RBMS1: variants seen among roughly 807,000 people sequenced by gnomAD.
RBMS1 encodes RNA-binding motif, single-stranded-interacting protein 1.
A neutral mutation model predicts 62.3 loss-of-function variants in RBMS1; 17 were observed. The observed-to-expected ratio is 0.27, with a 90% CI of 0.19 to 0.41. RBMS1 has a LOEUF of 0.41. Among genes scored for constraint, RBMS1 ranks in the 10% least tolerant of loss-of-function variants. The pLI is 1.00. For synonymous variants in RBMS1, 172 were observed against 170.0 expected (o/e 1.01, Z -0.09); for missense variants, 334 against 504.5 (o/e 0.66, Z 3.24).
chr2:160,309,303 G>T (rs1574255998), intron 4 of RBMS1, among the ~76,000 whole-genome samples: 1 of 152,178 alleles, frequency 6.6e-6, no homozygotes, highest in African/African-American at 2.4e-5. Flanking sequence ...CAGGGAGCTC[G>T]ATCTGTGTCT....
At chr2:160,407,983 C>CA in intron 1 of RBMS1, 1 of 929,918 alleles carries the variant, frequency 1.1e-6, no homozygotes, top group Non-Finnish European at 1.3e-6. Flanking sequence ...CCTCCCCGCC[C>CA]GCCCGCTGGG....
intron 1 of RBMS1, among the ~76,000 whole-genome samples, chr2:160,451,184 CTA>C (rs1344700494): frequency 2.8e-5 from 4 of 140,884 alleles, no homozygotes; most frequent in African/African-American, 1.0e-4. Context: ...TAAATAAAAA[CTA>C]GAGAAAATAT....
At chr2:160,302,528 T>A (rs979088103) in intron 5 of RBMS1, 1 of 152,058 alleles carries the variant, frequency 6.6e-6, no homozygotes, top group Non-Finnish European at 1.5e-5. Context: ...TTATTTATTT[T>A]AAGACAGTCT....
At chr2:160,474,579 C>T (rs1296793608) in intron 1 of RBMS1, among the ~76,000 whole-genome samples, 5 of 152,146 alleles carry the variant, frequency 3.3e-5, no homozygotes, top group Admixed American at 6.5e-5. Context: ...ACGTATTCAA[C>T]GCCACTGAAT....
chr2:160,465,888 A>ACACACT (rs569580064), intron 1 of RBMS1, among the ~76,000 whole-genome samples: 37,859 of 144,934 alleles, frequency 0.26, 5,461 homozygotes, highest in East Asian at 0.55. Flanking sequence ...ACACACACAC[A>ACACACT]CTCTCACATT....
intron 1 of RBMS1, among the ~76,000 whole-genome samples, chr2:160,390,295 A>T (rs565326360): frequency 6.6e-6 from 1 of 152,340 alleles, no homozygotes; most frequent in African/African-American, 2.4e-5. Flanking sequence ...ATTTCAACTT[A>T]AAGAAGAGAG....
intron 1 of RBMS1, among the ~76,000 whole-genome samples, chr2:160,390,562 G>A (rs2105209904): frequency 6.6e-6 from 1 of 152,124 alleles, no homozygotes; most frequent in East Asian, 1.9e-4. Context: ...CGAGTGTGGT[G>A]GCACACGCCT....
At chr2:160,275,583 T>TTGTAGGAAAC in intron 13 of RBMS1, 47 bp downstream of exon 13, 2 of 1,599,468 alleles carry the variant, frequency 1.3e-6, no homozygotes, top group South Asian at 2.2e-5. Flanking sequence ...GCCCTATAGA[T>TTGTAGGAAAC]TGTGCTTGAT....
In RBMS1 at chr2:160,303,344, A is replaced by T; in HGVS notation, c.546T>A (p.Gly182=). 6.2e-7 allele frequency: 1 copy of T among 1,607,340 alleles called. No individual in the cohort carries two copies. Residue 182 remains glycine, a synonymous_variant, in exon 5 of 14, where the codon GGT becomes GGA. Transcript: ENST00000348849. The part of the protein sequence containing the change: ...ILRDSSGTSR[G]VGFARMESTE... The stretch of plus-strand genomic sequence containing the variant: ...AGAAGGCTTACCTAGCAAAGCCAAC[A>T]CCACGACTTGTACCACTGGAATCAC...
At chr2:160,423,480 T>C (rs1696517051) in intron 1 of RBMS1, among the ~76,000 whole-genome samples, 1 of 152,138 alleles carries the variant, frequency 6.6e-6, no homozygotes, top group African/African-American at 2.4e-5. Context: ...CGTTTGCACT[T>C]CACTGCCCAT....
At chr2:160,375,561 T>A (rs1312062313) in intron 1 of RBMS1, among the ~76,000 whole-genome samples, 3 of 152,214 alleles carry the variant, frequency 2.0e-5, no homozygotes, top group African/African-American at 7.2e-5. Context: ...TCTTTGTGTT[T>A]CAACGTGTAA....
At chr2:160,389,797 G>GT (rs570423784) in intron 1 of RBMS1, among the ~76,000 whole-genome samples, 2,765 of 135,828 alleles carry the variant, frequency 0.02, 93 homozygotes, top group African/African-American at 0.067. Flanking sequence ...AAAATTACTA[G>GT]TTTTTTTTTT....
chr2:160,352,333 T>A (rs976326703), intron 2 of RBMS1, among the ~76,000 whole-genome samples: 1 of 152,118 alleles, frequency 6.6e-6, no homozygotes, highest in East Asian at 1.9e-4. Context: ...CAAGGCTTTC[T>A]GATAATATTG....
chr2:160,491,110 GAA>G (rs67585568), intron 1 of RBMS1, among the ~76,000 whole-genome samples: 6 of 150,930 alleles, frequency 4.0e-5, no homozygotes, highest in Admixed American at 3.3e-4. Flanking sequence ...ATAAGGGAGA[GAA>G]AAAAAAAAGG....
At chr2:160,378,130 T>C (rs1694095619) in intron 1 of RBMS1, among the ~76,000 whole-genome samples, 1 of 139,840 alleles carries the variant, frequency 7.2e-6, no homozygotes, top group Non-Finnish European at 1.5e-5. Context: ...AGATATCCAG[T>C]TGCTTGCTTT....
chr2:160,307,220 C>A (rs1412427967), intron 4 of RBMS1, among the ~76,000 whole-genome samples: 1 of 152,150 alleles, frequency 6.6e-6, no homozygotes, highest in East Asian at 1.9e-4. Context: ...GAGCAGACAT[C>A]TGTTTTCTCT....
chr2:160,446,717 C>G (rs1683665945), intron 1 of RBMS1, among the ~76,000 whole-genome samples: 1 of 152,200 alleles, frequency 6.6e-6, no homozygotes, highest in African/African-American at 2.4e-5. Flanking sequence ...CAGATACCAG[C>G]TAGCACCTTT....
rs190096843 is a variant in RBMS1 at position 160,274,078 on chromosome 2, T to C, written c.*694A>G. ...TATGCTGCTGTTTTACAAGGCATAATAGACCAGCTCATTTGGTCAAAGCAT... is the reference window on the plus strand; with the variant it reads ...TATGCTGCTGTTTTACAAGGCATAACAGACCAGCTCATTTGGTCAAAGCAT... On this transcript the variant is annotated 3_prime_UTR_variant, in exon 14 of 14. Coordinates refer to ENST00000348849, the MANE Select transcript of RBMS1 (RefSeq NM_016836.4). 17 of 152,814 alleles carry C rather than the reference T, an allele frequency of 1.1e-4. No homozygotes were observed. Among genetic ancestry groups the C allele is most frequent in the East Asian group, 3.8e-4 (2 of 5,196 alleles). 9.5% of individuals were successfully genotyped at this position (152,814 alleles called of 1,614,324 possible). A position where few individuals can be genotyped will look rare whatever the true frequency, so the allele number is the denominator to read the frequency against.
chr2:160,281,223 C>T (rs1031488753), intron 10 of RBMS1, 91 bp downstream of exon 10: 31 of 997,740 alleles, frequency 3.1e-5, no homozygotes, highest in Non-Finnish European at 4.3e-5. Context: ...TTCCCAAATC[C>T]TATACCACCC....
Sources: allele counts gnomAD v4.1 joint callset (sites outside exome capture counted in the v4.1 genomes callset), GRCh38; gene constraint gnomAD v4.1.1; transcripts MANE v1.5; gene names NCBI Gene and HGNC (gene_info 2026-07-23, HGNC 2026-07-21).